The following NUDCD1 variants were observed in gnomAD, a reference collection of about 807,000 sequenced individuals.
NUDCD1 encodes nudC domain-containing protein 1.
In NUDCD1, 60 loss-of-function variants were observed where a neutral mutation model predicts 67.8. The observed-to-expected ratio is 0.88, with a 90% CI of 0.72 to 1.10. NUDCD1 has a LOEUF of 1.10. NUDCD1 is among the 50% of genes least tolerant of loss of function. The pLI is 0.00. For missense variants in NUDCD1, 643 were observed against 695.0 expected (o/e 0.93, Z 0.84); for synonymous variants, 244 against 230.8 (o/e 1.06, Z -0.52).
At chr8:109,283,276 AG>A (rs1814499141) in intron 5 of NUDCD1, among the ~76,000 whole-genome samples, 1 of 152,212 alleles carries the variant, frequency 6.6e-6, no homozygotes, top group Non-Finnish European at 1.5e-5. Flanking sequence ...AAATGAACAA[AG>A]TCTCTGAGAA....
intron 1 of NUDCD1, among the ~76,000 whole-genome samples, chr8:109,324,071 C>T (rs1310212431): frequency 6.6e-6 from 1 of 151,820 alleles, no homozygotes; most frequent in Non-Finnish European, 1.5e-5. Context: ...AACTAAACAA[C>T]AACAACAACA....
rs546619937 is a variant in NUDCD1 at position 109,291,883 on chromosome 8, G to C, written c.640+1461C>G. Among the ~76,000 whole-genome samples, 19 of 152,160 alleles carry C rather than the reference G, an allele frequency of 1.2e-4. No individual in the cohort carries two copies. In the South Asian group the frequency reaches 3.9e-3, roughly 32 times the overall value. ...AGATGTTACAGAACCAAGTGTCTTGGAGAAAGGAGGAGGAATATGCATGAC... is the reference window on the plus strand; with the variant it reads ...AGATGTTACAGAACCAAGTGTCTTGCAGAAAGGAGGAGGAATATGCATGAC... On this transcript the variant is annotated intron_variant, in intron 4 of 9. Transcript: ENST00000239690.
intron 5 of NUDCD1, among the ~76,000 whole-genome samples, 189 bp downstream of exon 5, chr8:109,289,562 T>G (rs1331940898): frequency 6.6e-6 from 1 of 152,138 alleles, no homozygotes; most frequent in Non-Finnish European, 1.5e-5. Context: ...ATGATCAAAT[T>G]AAACCAGTTC....
Position 109,245,392 on chromosome 8 carries a change from G to T in NUDCD1, c.1389C>A (p.Ala463=), listed in dbSNP as rs1813469662. The change falls in exon 9 of 10, where the codon GCC becomes GCA. Residue 463 remains alanine (A), a synonymous_variant. Transcript: ENST00000239690. ...PCFCLRHDVD[A]LLWQPHSSKQ... ...TGCTGGAGTGTGGTTGCCAGAGTAG[G>T]GCATCAACATCATGGCGCAAACAGA... 6.2e-7 allele frequency: 1 copy of T among 1,613,698 alleles called. No individual in the cohort carries two copies. The highest frequency in any genetic ancestry group is 1.7e-5 in the Admixed American group (1 of 59,964).
intron 2 of NUDCD1, among the ~76,000 whole-genome samples, chr8:109,318,568 G>T (rs573726689): frequency 2.6e-5 from 4 of 152,008 alleles, no homozygotes; most frequent in Non-Finnish European, 5.9e-5. Context: ...GTAGAACATG[G>T]GGCTAGCAAG....
intron 8 of NUDCD1, among the ~76,000 whole-genome samples, chr8:109,259,609 G>A (rs1813820791): frequency 6.6e-6 from 1 of 152,156 alleles, no homozygotes; most frequent in Admixed American, 6.5e-5. Context: ...GCCTATTAAT[G>A]AGGAGCTGAA....
intron 1 of NUDCD1, among the ~76,000 whole-genome samples, chr8:109,328,240 T>C (rs148276032): frequency 6.6e-6 from 1 of 152,322 alleles, no homozygotes; most frequent in East Asian, 1.9e-4. Flanking sequence ...TAGTCAACTC[T>C]ACATAAATAC....
At chr8:109,256,075 T>C (rs1430338667) in intron 8 of NUDCD1, among the ~76,000 whole-genome samples, 1 of 151,942 alleles carries the variant, frequency 6.6e-6, no homozygotes, top group Non-Finnish European at 1.5e-5. Context: ...GCTAGGCGTG[T>C]TGGGATGCAC....
chr8:109,273,085 T>C (rs1346702555), intron 7 of NUDCD1, among the ~76,000 whole-genome samples: 3 of 152,146 alleles, frequency 2.0e-5, no homozygotes, highest in African/African-American at 7.2e-5. Context: ...GAGAAAAGGG[T>C]CAAACATGCT....
intron 8 of NUDCD1, among the ~76,000 whole-genome samples, chr8:109,255,215 A>T (rs1282684615): frequency 6.6e-6 from 1 of 152,214 alleles, no homozygotes; most frequent in Non-Finnish European, 1.5e-5. Flanking sequence ...AGTAATTCAC[A>T]TACTATAAAT....
At chr8:109,333,815 G>C (rs1252324207) in intron 1 of NUDCD1, 78 bp downstream of exon 1, 4 of 1,475,974 alleles carry the variant, frequency 2.7e-6, no homozygotes, top group Non-Finnish European at 3.7e-6. Flanking sequence ...CAGAAAGAAA[G>C]AAATTGCGGG....
intron 2 of NUDCD1, among the ~76,000 whole-genome samples, chr8:109,309,990 T>C (rs1399956355): frequency 6.6e-6 from 1 of 151,828 alleles, no homozygotes; most frequent in Non-Finnish European, 1.5e-5. Flanking sequence ...ATTACACAAA[T>C]GTAAACACAT....
chr8:109,308,932 A>G (rs1815174267), intron 2 of NUDCD1, among the ~76,000 whole-genome samples: 1 of 150,424 alleles, frequency 6.6e-6, no homozygotes, highest in African/African-American at 2.5e-5. Flanking sequence ...AGATCGTGCC[A>G]CTGCACTCCA....
chr8:109,282,103 A>C (rs1412190168), intron 5 of NUDCD1, among the ~76,000 whole-genome samples: 1 of 152,120 alleles, frequency 6.6e-6, no homozygotes, highest in Non-Finnish European at 1.5e-5. Flanking sequence ...ATTCTCCCTC[A>C]GCGCTGGTGT....
At chr8:109,272,894 T>C (rs1814189994) in intron 7 of NUDCD1, among the ~76,000 whole-genome samples, 1 of 152,128 alleles carries the variant, frequency 6.6e-6, no homozygotes, top group South Asian at 2.1e-4. Context: ...GTTGATGCCA[T>C]TGTGCACAGT....
intron 4 of NUDCD1, among the ~76,000 whole-genome samples, chr8:109,292,948 CAAGT>C (rs1380850251): frequency 1.3e-5 from 2 of 151,648 alleles, no homozygotes; most frequent in East Asian, 1.9e-4. Context: ...CATTCATTTC[CAAGT>C]AAGTATTTAT....
rs146557940 is a variant in NUDCD1 at position 109,291,218 on chromosome 8, C to T, written c.641-1285G>A. Among the ~76,000 whole-genome samples, 496 of 152,258 alleles carry T rather than the reference C, an allele frequency of 3.3e-3. 3 individuals carry two copies. Among genetic ancestry groups the T allele is most frequent in the African/African-American group, 0.011 (457 of 41,546 alleles). On this transcript the variant is annotated intron_variant, in intron 4 of 9. Coordinates refer to ENST00000239690, the MANE Select transcript of NUDCD1 (RefSeq NM_032869.4). ...GTTGCCCAAGCTAAATGCAGTGGCA[C>T]GATCACTGCTCACTGTAGCCTCAAA...
chr8:109,300,940 T>C (rs1354606686), intron 2 of NUDCD1, among the ~76,000 whole-genome samples: 1 of 152,218 alleles, frequency 6.6e-6, no homozygotes, highest in Non-Finnish European at 1.5e-5. Context: ...ATTGGGGCCC[T>C]ATCTTCAGTC....
At chr8:109,330,105 A>C (rs1307729365) in intron 1 of NUDCD1, among the ~76,000 whole-genome samples, 2 of 152,252 alleles carry the variant, frequency 1.3e-5, no homozygotes, top group African/African-American at 4.8e-5. Flanking sequence ...CTTGTACTAA[A>C]TGAAGATTCT....
Sources: allele counts gnomAD v4.1 joint callset (sites outside exome capture counted in the v4.1 genomes callset), GRCh38; gene constraint gnomAD v4.1.1; transcripts MANE v1.5; gene names NCBI Gene and HGNC (gene_info 2026-07-23, HGNC 2026-07-21).